Variants in YEATS2 observed in about 807,000 individuals in gnomAD.
The protein encoded by YEATS2 is YEATS domain-containing protein 2.
Under a neutral mutation model 163.2 loss-of-function variants are expected in YEATS2, and 77 were observed. The observed-to-expected ratio is 0.47, with a 90% confidence interval of 0.39 to 0.57. YEATS2 has a LOEUF of 0.57. YEATS2 is among the 20% of genes least tolerant of loss of function. YEATS2 has a pLI of 0.00. For synonymous variants in YEATS2, 631 were observed against 645.1 expected, an observed-to-expected ratio of 0.98 and a Z score of 0.33; for missense variants, 1,549 against 1,729.8, an observed-to-expected ratio of 0.90 and a Z score of 1.85.
chr3:183,739,244 T>G (rs1718694818), intron 8 of YEATS2, among the ~76,000 whole-genome samples: 1 of 151,770 alleles, frequency 6.6e-6, no homozygotes, highest in Non-Finnish European at 1.5e-5. Context: ...CTTAAGCTGA[T>G]AAGCAACTTC....
chr3:183,730,044 T>TTTTGTTTG (rs1232274438), intron 7 of YEATS2, among the ~76,000 whole-genome samples: 2,973 of 89,656 alleles, frequency 0.033, 136 homozygotes, highest in Non-Finnish European at 0.04. Flanking sequence ...TTGTGTGGTT[T>TTTTGTTTG]TTTGTTTGTT....
chr3:183,798,184 C>CTGAAGGGTGGCTGTA, intron 22 of YEATS2, 133 bp downstream of exon 22: 1 of 1,336,438 alleles, frequency 7.5e-7, no homozygotes, highest in Non-Finnish European at 1.0e-6. Context: ...CTGTGTACAG[C>CTGAAGGGTGGCTGTA]CACCCTTCAG....
chr3:183,753,474 C>T (rs1316534947), intron 10 of YEATS2, among the ~76,000 whole-genome samples: 1 of 152,144 alleles, frequency 6.6e-6, no homozygotes, highest in Admixed American at 6.5e-5. Flanking sequence ...GGGCCGGGCA[C>T]GGTGGCTCAT....
intron 8 of YEATS2, among the ~76,000 whole-genome samples, chr3:183,743,989 T>C (rs137884521): frequency 1.3e-5 from 2 of 151,984 alleles, no homozygotes; most frequent in African/African-American, 4.8e-5. Flanking sequence ...ACCATAAGAC[T>C]AGGTTGCCTT....
chr3:183,755,080 A>G (rs1258183846), intron 11 of YEATS2, among the ~76,000 whole-genome samples: 1 of 152,188 alleles, frequency 6.6e-6, no homozygotes, highest in Non-Finnish European at 1.5e-5. Context: ...ATAGGATCCA[A>G]ATCTTTGATG....
intron 8 of YEATS2, among the ~76,000 whole-genome samples, chr3:183,741,937 A>G (rs1053292767): frequency 3.3e-5 from 5 of 149,852 alleles, no homozygotes; most frequent in African/African-American, 1.2e-4. Flanking sequence ...GGCCAGGCAC[A>G]GTGGCTCATG....
At chr3:183,713,951 C>T (rs1297690901) in intron 1 of YEATS2, among the ~76,000 whole-genome samples, 1 of 151,742 alleles carries the variant, frequency 6.6e-6, no homozygotes, top group Non-Finnish European at 1.5e-5. Context: ...ACTGCAGGTG[C>T]CCACCATTAT....
chr3:183,758,393 A>G (rs1720985553), intron 12 of YEATS2, among the ~76,000 whole-genome samples: 1 of 152,110 alleles, frequency 6.6e-6, no homozygotes, highest in African/African-American at 2.4e-5. Context: ...GCATTTTGGA[A>G]TAGGCATAAC....
chr3:183,784,346 T>C (rs904621484), intron 19 of YEATS2, among the ~76,000 whole-genome samples: 1 of 152,242 alleles, frequency 6.6e-6, no homozygotes, highest in African/African-American at 2.4e-5. Context: ...TGATTAGTGA[T>C]ACGGAGCATT....
chr3:183,755,406 C>T (rs1041921266), intron 11 of YEATS2, among the ~76,000 whole-genome samples: 5 of 152,100 alleles, frequency 3.3e-5, no homozygotes, highest in South Asian at 2.1e-4. Flanking sequence ...CGTGAGCCAC[C>T]GTCCCCTGTC....
rs760486864 is a variant in YEATS2, at chr3:183,736,835, G to T, written c.924+6G>T. On this transcript the variant is annotated splice_donor_region_variant and intron_variant, in intron 8 of 30. Coordinates refer to ENST00000305135, the MANE Select transcript of YEATS2 (RefSeq NM_018023.5). ...ATATCATACATAATCTGAAGGTATT[G>T]TAACAAAACATTGCTCCCTAGTTTT... is the stretch of plus-strand genomic sequence containing the variant. 1 of 1,606,648 alleles carries T rather than the reference G, an allele frequency of 6.2e-7. No individual in the cohort carries two copies. The highest frequency in any genetic ancestry group is 1.3e-5 in the African/African-American group (1 of 74,594).
intron 19 of YEATS2, among the ~76,000 whole-genome samples, chr3:183,777,969 A>G (rs1237095776): frequency 6.6e-6 from 1 of 151,974 alleles, no homozygotes; most frequent in African/African-American, 2.4e-5. Context: ...AAAATTAGCC[A>G]GGTGCAGTGG....
At chr3:183,734,300 C>A (rs1407535460) in intron 7 of YEATS2, among the ~76,000 whole-genome samples, 1 of 152,170 alleles carries the variant, frequency 6.6e-6, no homozygotes, top group Non-Finnish European at 1.5e-5. Flanking sequence ...TAAAGCATGG[C>A]CCTGGAGCCT....
chr3:183,803,633 C>G (rs1725900384), intron 26 of YEATS2: 1 of 493,612 alleles, frequency 2.0e-6, no homozygotes, highest in Non-Finnish European at 3.6e-6. Flanking sequence ...TTAGGGAAAG[C>G]TGGGGTAGGA....
chr3:183,728,872 T>C (rs749824550), intron 7 of YEATS2, 21 bp downstream of exon 7: 9 of 1,583,770 alleles, frequency 5.7e-6, no homozygotes, highest in African/African-American at 1.4e-5. Context: ...TTGAGGTATT[T>C]AACCTAAATT....
At chr3:183,729,229 G>A (rs1486539229) in intron 7 of YEATS2, among the ~76,000 whole-genome samples, 2 of 150,448 alleles carry the variant, frequency 1.3e-5, no homozygotes, top group East Asian at 2.0e-4. Flanking sequence ...CTGAGATCGC[G>A]CCACTGCACT....
chr3:183,717,607 A>T, intron 2 of YEATS2, 44 bp from the exon 3 acceptor site: 1 of 1,346,060 alleles, frequency 7.4e-7, no homozygotes. Flanking sequence ...AAAGACAGTC[A>T]CTGATTAATT....
intron 15 of YEATS2, among the ~76,000 whole-genome samples, chr3:183,764,368 T>TA (rs11452949): frequency 0.39 from 40,516 of 105,080 alleles, 8,347 homozygotes; most frequent in East Asian, 0.61. Context: ...AAACTCTGTT[T>TA]AAAAAAAAAA....
Position 183,803,979 on chromosome 3 carries a change from T to C in YEATS2, c.3583-8T>C, listed in dbSNP as rs769247639. On this transcript the variant is annotated splice_polypyrimidine_tract_variant and splice_region_variant and intron_variant, in intron 26 of 30. Coordinates refer to ENST00000305135, the MANE Select transcript of YEATS2 (RefSeq NM_018023.5). Reference sequence around the variant, plus strand: ...ATTATGGTTCCAAAAGAAAATTTTTTTTTTAAGTGGCAAAGAGCAATGACA... The same window carrying C: ...ATTATGGTTCCAAAAGAAAATTTTTCTTTTAAGTGGCAAAGAGCAATGACA... The C allele has an allele frequency of 1.9e-6, 3 of 1,613,412 alleles. No homozygotes were observed. The highest frequency in any genetic ancestry group is 2.5e-6 in the Non-Finnish European group (3 of 1,179,838).
Sources: gnomAD v4.1 joint callset for allele counts (sites outside exome capture counted in the v4.1 genomes callset) on GRCh38, gnomAD v4.1.1 for gene constraint, MANE v1.5 for transcripts, NCBI Gene and HGNC (gene_info 2026-07-23, HGNC 2026-07-21) for gene names.